CIT: variants seen among roughly 807,000 people sequenced by gnomAD.
The protein encoded by CIT is citron rho-interacting serine/threonine kinase, also known as citron Rho-interacting kinase.
Under a neutral mutation model 272.7 loss-of-function variants are expected in CIT, and 79 were observed. That is an observed-to-expected ratio of 0.29 (90% CI 0.24 to 0.35). The LOEUF (loss-of-function observed/expected upper bound fraction) is 0.35. Ranked by LOEUF, CIT falls within the 10% of genes least tolerant of loss-of-function variation. CIT has a pLI of 1.00. For missense variants in CIT, 1,909 were observed against 2,618.3 expected (o/e 0.73, Z 5.91); for synonymous variants, 948 against 995.6 (o/e 0.95, Z 0.90).
At chr12:119,849,181 C>G (rs971747074) in intron 5 of CIT, among the ~76,000 whole-genome samples, 1 of 152,202 alleles carries the variant, frequency 6.6e-6, no homozygotes, top group Non-Finnish European at 1.5e-5. Flanking sequence ...AATCACAACA[C>G]TTTGGGAGGC....
intron 9 of CIT, among the ~76,000 whole-genome samples, chr12:119,806,692 C>T (rs966332949): frequency 2.5e-5 from 3 of 118,748 alleles, no homozygotes; most frequent in South Asian, 2.8e-4. Context: ...TAAAAATCAA[C>T]AACTACACCT....
intron 10 of CIT, 115 bp from the exon 11 acceptor site, chr12:119,785,180 G>A: frequency 9.2e-7 from 1 of 1,087,960 alleles, no homozygotes; most frequent in Non-Finnish European, 1.3e-6. Context: ...TTGATGTTAG[G>A]TCAAATAATG....
At chr12:119,689,793 T>C (rs1955823970) in intron 47 of CIT, among the ~76,000 whole-genome samples, 1 of 145,516 alleles carries the variant, frequency 6.9e-6, no homozygotes, top group Admixed American at 7.1e-5. Context: ...TTCTCCCGCC[T>C]CAGCCTCCCA....
intron 3 of CIT, among the ~76,000 whole-genome samples, chr12:119,867,010 G>T (rs1950535034): frequency 6.6e-6 from 1 of 152,022 alleles, no homozygotes; most frequent in Non-Finnish European, 1.5e-5. Flanking sequence ...GAAACTTCAT[G>T]AAGAGAGAGA....
rs56167781 is a variant in CIT, at chr12:119,708,221, A to T, written c.5169T>A (p.Ile1723=). 0.025 allele frequency: 40,140 copies of T among 1,604,714 alleles called. 642 individuals carry two copies. Among genetic ancestry groups the T allele is most frequent in the Non-Finnish European group, 0.031 (36,660 of 1,176,012 alleles). Residue 1723 remains isoleucine, a synonymous_variant, in exon 40 of 48, where the codon ATT becomes ATA. Coordinates refer to ENST00000392521, the MANE Select transcript of CIT (RefSeq NM_001206999.2). Reference sequence around the variant, plus strand: ...AGTGGCAGCCCTTGACAGCTTCAAAAATGTTGGGTGAGATGTCGGGCTGGG... The same window carrying T: ...AGTGGCAGCCCTTGACAGCTTCAAATATGTTGGGTGAGATGTCGGGCTGGG... ...LPAQPDISPN[I]FEAVKGCHLF... is the part of the protein sequence containing the mutation.
intron 43 of CIT, 159 bp from the exon 44 acceptor site, chr12:119,700,984 C>A: frequency 2.4e-6 from 1 of 416,240 alleles, no homozygotes; most frequent in East Asian, 3.6e-5. Context: ...CAGCTCTCAG[C>A]TTTATTAAAA....
In CIT at chr12:119,784,325, T is replaced by C. The variant is rs373231210; in HGVS notation, c.1402-274A>G. ...GTTAGCAAGGAAGCCACAATCATCA[T>C]TTTTCACCTGTTTGCTTTTGTTTTT... On this transcript the variant is annotated intron_variant, in intron 11 of 47. Coordinates refer to ENST00000392521, the MANE Select transcript of CIT (RefSeq NM_001206999.2). This position sits in a 1 kb window ranked among gnomAD's most constrained non-coding sequence, Gnocchi z 4.7. 7.6e-5 allele frequency: 110 copies of C among 1,442,196 alleles called. No homozygotes were observed. In the African/African-American group the frequency reaches 1.4e-3, roughly 18 times the overall value. 89.3% of individuals were successfully genotyped at this position (1,442,196 alleles called of 1,614,324 possible).
At chr12:119,823,018 C>A in intron 8 of CIT, 45 bp from the exon 9 acceptor site, 1 of 1,541,574 alleles carries the variant, frequency 6.5e-7, no homozygotes, top group Non-Finnish European at 8.8e-7. Context: ...GTAGGGATTC[C>A]GTTTCTCATG....
chr12:119,813,429 G>A (rs996480130), intron 9 of CIT, among the ~76,000 whole-genome samples: 7 of 152,112 alleles, frequency 4.6e-5, no homozygotes, highest in South Asian at 2.1e-4. Context: ...CCTGCCAACC[G>A]CCCTTTTTAG....
Position 119,714,273 on chromosome 12 carries a change from T to C in CIT, c.4230A>G (p.Gly1410=). The change falls in exon 33 of 48, where the codon GGA becomes GGG. Residue 1410 remains glycine, a synonymous_variant. Transcript: ENST00000392521. ...CACACTTTGTGGCTCGCATGTTCAG[T>C]CCTACGTTGAATCGGTGAGGAATAT... is the stretch of plus-strand genomic sequence containing the variant. The part of the protein sequence containing the change: ...HHNIPHRFNV[G]LNMRATKCAV... The C allele has an allele frequency of 6.2e-7, 1 of 1,614,112 alleles. No homozygotes were observed. Among genetic ancestry groups the C allele is most frequent in the South Asian group, 1.1e-5 (1 of 91,076 alleles).
intron 10 of CIT, among the ~76,000 whole-genome samples, chr12:119,792,535 T>A (rs1422974818): frequency 1.3e-5 from 2 of 152,124 alleles, no homozygotes; most frequent in Non-Finnish European, 2.9e-5. Context: ...AGTGGTGCGA[T>A]CTCGGCTCAC....
intron 2 of CIT, among the ~76,000 whole-genome samples, chr12:119,871,696 A>G (rs1168013667): frequency 6.6e-6 from 1 of 152,114 alleles, no homozygotes; most frequent in Non-Finnish European, 1.5e-5. Flanking sequence ...TCTACAAACA[A>G]ACAAAAAAAA....
intron 3 of CIT, among the ~76,000 whole-genome samples, chr12:119,859,163 G>A (rs536319081): frequency 9.9e-5 from 15 of 152,284 alleles, no homozygotes; most frequent in African/African-American, 2.9e-4. Flanking sequence ...AATCCTGCAC[G>A]TTACAAGGGA....
chr12:119,691,103 C>A (rs1000367010), intron 46 of CIT, among the ~76,000 whole-genome samples: 1 of 135,124 alleles, frequency 7.4e-6, no homozygotes, highest in Non-Finnish European at 1.5e-5. Context: ...ACTGGGGAGG[C>A]GGAGGTTGCA....
At chr12:119,795,480 T>A (rs573507035) in intron 10 of CIT, among the ~76,000 whole-genome samples, 113 of 152,334 alleles carry the variant, frequency 7.4e-4, no homozygotes, top group African/African-American at 2.7e-3. Flanking sequence ...CCAAGCATCA[T>A]GATCATCATT....
chr12:119,799,496 G>A (rs775157615), intron 10 of CIT, among the ~76,000 whole-genome samples: 15 of 152,120 alleles, frequency 9.9e-5, no homozygotes, highest in Non-Finnish European at 1.9e-4. Flanking sequence ...TTCCTCCATG[G>A]TGTTTGAATG....
intron 10 of CIT, among the ~76,000 whole-genome samples, chr12:119,799,187 C>G (rs1040144326): frequency 6.6e-6 from 1 of 152,158 alleles, no homozygotes; most frequent in African/African-American, 2.4e-5. Flanking sequence ...TTGCTGAGTC[C>G]TTTCCATATT....
At chr12:119,757,125 A>T (rs1320054141) in intron 22 of CIT, among the ~76,000 whole-genome samples, 1 of 151,678 alleles carries the variant, frequency 6.6e-6, no homozygotes, top group Non-Finnish European at 1.5e-5. Flanking sequence ...CTTAAAAAAA[A>T]AAAAAAAAGA....
intron 10 of CIT, among the ~76,000 whole-genome samples, chr12:119,799,644 C>T (rs1002623524): frequency 1.3e-5 from 2 of 152,166 alleles, no homozygotes; most frequent in Non-Finnish European, 2.9e-5. Context: ...CATCAAGATC[C>T]CATTACCCTC....
Sources: gnomAD v4.1 joint callset for allele counts (sites outside exome capture counted in the v4.1 genomes callset) on GRCh38, gnomAD v4.1.1 for gene constraint, Gnocchi (gnomAD v3.1) non-coding constraint, MANE v1.5 for transcripts, NCBI Gene and HGNC (gene_info 2026-07-23, HGNC 2026-07-21) for gene names.